Variants in RBFOX3 observed in about 807,000 individuals in gnomAD.
RBFOX3 encodes the protein RNA binding protein fox-1 homolog 3.
A neutral mutation model predicts 48.7 loss-of-function variants in RBFOX3; 17 were observed. That is an observed-to-expected ratio of 0.35 (90% CI 0.24 to 0.52). The LOEUF is 0.52. Ranked by LOEUF, RBFOX3 falls within the 20% of genes least tolerant of loss-of-function variation. The pLI, the probability that RBFOX3 is intolerant of heterozygous loss-of-function variation, is 0.94. For missense variants in RBFOX3, 382 were observed against 497.5 expected, an observed-to-expected ratio of 0.77 and a Z score of 2.21; for synonymous variants, 212 against 209.5, an observed-to-expected ratio of 1.01 and a Z score of -0.10.
Position 79,380,777 on chromosome 17 carries a change from C to T in RBFOX3, c.-174-72953G>A, listed in dbSNP as rs188608666. On this transcript the variant is annotated intron_variant, in intron 2 of 14. Coordinates refer to ENST00000693108, the MANE Select transcript of RBFOX3 (RefSeq NM_001350451.2). ...TCTACCTGCGTGCTCTGGTGCCCTG[C>T]CACCACACTTTCTAAACACCTCCAG... Among the ~76,000 whole-genome samples, 10 of 152,170 alleles carry T rather than the reference C, an allele frequency of 6.6e-5. No individual in the cohort carries two copies. The East Asian group carries it at 1.9e-3, about 29-fold the overall frequency.
At position 79,193,790 on chromosome 17, in the gene RBFOX3, C is replaced by T. The variant is rs149406785; in HGVS notation, c.-34+41976G>A. ...AATGGAGCCTTGAGTAGGCCAAGTT[C>T]TTCTCTACAGGAAAAAGTGGTCTGC... On this transcript the variant is annotated intron_variant, in intron 4 of 14. Coordinates refer to ENST00000693108, the MANE Select transcript of RBFOX3 (RefSeq NM_001350451.2). Among the ~76,000 whole-genome samples, 113 of 152,288 alleles carry T rather than the reference C, an allele frequency of 7.4e-4. 1 individual carries two copies. In the South Asian group the frequency reaches 0.012, roughly 17 times the overall value.
chr17:79,352,880 G>C (rs2084234767), intron 2 of RBFOX3, among the ~76,000 whole-genome samples: 1 of 152,196 alleles, frequency 6.6e-6, no homozygotes, highest in South Asian at 2.1e-4. Context: ...TGGGCACTGG[G>C]GCCACATCAG....
chr17:79,414,264 G>A (rs2091389204), intron 2 of RBFOX3, among the ~76,000 whole-genome samples: 1 of 152,104 alleles, frequency 6.6e-6, no homozygotes, highest in Non-Finnish European at 1.5e-5. Context: ...AAAAATCACT[G>A]TAAACAAAGT....
At chr17:79,138,414 AC>A (rs1467583915) in intron 4 of RBFOX3, among the ~76,000 whole-genome samples, 1 of 151,872 alleles carries the variant, frequency 6.6e-6, no homozygotes, top group Non-Finnish European at 1.5e-5. Flanking sequence ...TACTGTGAAC[AC>A]TCACTCCACA....
At position 79,146,035 on chromosome 17, in the gene RBFOX3, C is replaced by T. The variant is rs147482781; in HGVS notation, c.-33-30287G>A. Among the ~76,000 whole-genome samples the T allele has an allele frequency of 1.2e-4, 19 of 152,278 alleles. No homozygotes were observed. In the East Asian group the frequency reaches 2.5e-3, roughly 20 times the overall value. On this transcript the variant is annotated intron_variant, in intron 4 of 14. Transcript: ENST00000693108. ...GGATCCCTTGCACGTGCAGTTCACA[C>T]GTGAACTGTGCCCCTTTGAGAATCT...
intron 4 of RBFOX3, among the ~76,000 whole-genome samples, chr17:79,167,646 G>GC (rs1220042942): frequency 6.6e-6 from 1 of 152,182 alleles, no homozygotes; most frequent in African/African-American, 2.4e-5. Context: ...CAGTCTGCCT[G>GC]CCCCCGCAGA....
chr17:79,464,787 G>A (rs1293878069), intron 2 of RBFOX3, among the ~76,000 whole-genome samples: 5 of 152,246 alleles, frequency 3.3e-5, no homozygotes, highest in African/African-American at 7.2e-5. Flanking sequence ...CCGCGGCCCC[G>A]AGGACAGCTG....
chr17:79,195,880 G>A lies in RBFOX3; in HGVS notation c.-34+39886C>T, dbSNP rs1475203232. ...CATTTGGCTGCTGGGTGAGCTTATT[G>A]ATTTTTCTCTCCGAGGTAGAAGGAG... On this transcript the variant is annotated intron_variant, in intron 4 of 14. Coordinates refer to ENST00000693108, the MANE Select transcript of RBFOX3 (RefSeq NM_001350451.2). This position sits in a 1 kb window ranked among gnomAD's most constrained non-coding sequence, Gnocchi z 5.3. 1.3e-5 allele frequency among the ~76,000 whole-genome samples: 2 copies of A among 152,210 alleles called. No individual in the cohort carries two copies. Among genetic ancestry groups the A allele is most frequent in the East Asian group, 1.9e-4 (1 of 5,186 alleles).
intron 1 of RBFOX3, among the ~76,000 whole-genome samples, chr17:79,545,636 A>G (rs1211753374): frequency 6.6e-6 from 1 of 152,148 alleles, no homozygotes; most frequent in Non-Finnish European, 1.5e-5. Flanking sequence ...CCAAGAAAAC[A>G]AGAGGGGAGG....
intron 4 of RBFOX3, among the ~76,000 whole-genome samples, chr17:79,154,519 CG>C (rs561949351): frequency 2.4e-3 from 365 of 152,302 alleles, no homozygotes; most frequent in African/African-American, 8.3e-3. Context: ...GGGAGGAAGT[CG>C]GGCGCCTGTG....
At chr17:79,166,170 A>C (rs2703521) in intron 4 of RBFOX3, among the ~76,000 whole-genome samples, 124,576 of 152,066 alleles carry the variant, frequency 0.82, 52,537 homozygotes, top group Non-Finnish European at 0.92. Context: ...CGGGCAGGTA[A>C]GGGCGAACCT....
chr17:79,312,237 GA>G (rs1290257912), intron 2 of RBFOX3, among the ~76,000 whole-genome samples: 9 of 149,178 alleles, frequency 6.0e-5, no homozygotes, highest in Admixed American at 1.3e-4. Flanking sequence ...AGAGGGCTGG[GA>G]AGAAAAAGGG....
At chr17:79,113,137 G>T (rs1373306499) in intron 5 of RBFOX3, among the ~76,000 whole-genome samples, 1 of 152,100 alleles carries the variant, frequency 6.6e-6, no homozygotes, top group Non-Finnish European at 1.5e-5. Flanking sequence ...AGCTGAAAGG[G>T]CCCTGCTGAT....
At chr17:79,157,879 G>C (rs1250689827) in intron 4 of RBFOX3, among the ~76,000 whole-genome samples, 5 of 152,224 alleles carry the variant, frequency 3.3e-5, no homozygotes, top group African/African-American at 9.7e-5. Flanking sequence ...CACAGGGGAG[G>C]CGACTGCAAG....
intron 4 of RBFOX3, among the ~76,000 whole-genome samples, chr17:79,170,997 C>G (rs566162210): frequency 6.6e-6 from 1 of 152,252 alleles, no homozygotes; most frequent in East Asian, 1.9e-4. Context: ...GGCAGAGCCC[C>G]GCTCCTGAGA....
At chr17:79,547,225 G>C (rs2090562586) in intron 1 of RBFOX3, among the ~76,000 whole-genome samples, 1 of 152,026 alleles carries the variant, frequency 6.6e-6, no homozygotes, top group Non-Finnish European at 1.5e-5. Context: ...GAGGCAGGTG[G>C]ATCACGAGGT....
intron 3 of RBFOX3, among the ~76,000 whole-genome samples, chr17:79,303,028 A>G (rs189814640): frequency 1.1e-4 from 17 of 152,158 alleles, no homozygotes; most frequent in African/African-American, 4.1e-4. Context: ...ACATAGTGAG[A>G]CCTCATCTCT....
chr17:79,579,787 G>T (rs1259183567), intron 1 of RBFOX3, among the ~76,000 whole-genome samples: 12 of 142,816 alleles, frequency 8.4e-5, no homozygotes, highest in African/African-American at 3.1e-4. Flanking sequence ...CGTGGTGGGG[G>T]TGTCACTGGC....
At chr17:79,150,987 C>A (rs1392377750) in intron 4 of RBFOX3, among the ~76,000 whole-genome samples, 1 of 152,188 alleles carries the variant, frequency 6.6e-6, no homozygotes, top group Non-Finnish European at 1.5e-5. Context: ...GTGGCCGCCC[C>A]GCTGCTGTGC....
Sources: gnomAD v4.1 joint callset for allele counts (sites outside exome capture counted in the v4.1 genomes callset) on GRCh38, gnomAD v4.1.1 for gene constraint, Gnocchi (gnomAD v3.1) non-coding constraint, MANE v1.5 for transcripts, NCBI Gene and HGNC (gene_info 2026-07-23, HGNC 2026-07-21) for gene names.